SMG9: variants seen among roughly 807,000 people sequenced by gnomAD.
SMG9 encodes nonsense-mediated mRNA decay factor SMG9.
A neutral mutation model predicts 64.0 loss-of-function variants in SMG9; 55 were observed. That is an observed-to-expected ratio of 0.86 (90% CI 0.69 to 1.08). SMG9 has a LOEUF of 1.08. Among genes scored for constraint, SMG9 ranks in the 50% least tolerant of loss-of-function variants. The pLI is 0.00. For missense variants in SMG9, 554 were observed against 681.3 expected (o/e 0.81, Z 2.08); for synonymous variants, 244 against 254.8 (o/e 0.96, Z 0.41).
Position 43,731,630 on chromosome 19 carries a change from G to A in SMG9, c.1529C>T (p.Ser510Phe). 1 of 1,614,248 alleles carries A rather than the reference G, an allele frequency of 6.2e-7. No individual in the cohort carries two copies. Reference protein sequence around the residue: ...ARIWDGVRKSSALAEYSRLLA With the variant: ...ARIWDGVRKSFALAEYSRLLA The stretch of plus-strand genomic sequence containing the variant: ...CAGGCGGCTGTACTCTGCCAGAGCA[G>A]AGGACTTTCTCACCCCATCCCAGAT... The change falls in exon 14 of 14, where the codon TCT (serine) becomes TTT (phenylalanine). Residue 510 changes from serine to phenylalanine, a missense_variant. Physicochemically the swap from Ser to Phe is radical, Grantham distance 155 (BLOSUM62 -2). Transcript: ENST00000270066.
rs1389972520 is a variant in SMG9 at position 43,754,900 on chromosome 19, G to C, written c.-253C>G. 6.6e-6 allele frequency: 1 copy of C among 152,328 alleles called. No homozygotes were observed. The highest frequency in any genetic ancestry group is 1.5e-5 in the Non-Finnish European group (1 of 68,086). 9.4% of individuals were successfully genotyped at this position (152,328 alleles called of 1,614,324 possible). ...AGGATGTAACGCGGGCCCGAGCTGA[G>C]ATCAGTTCCCTCAGGCGACTCGTCC... is the stretch of plus-strand genomic sequence containing the variant. On this transcript the variant is annotated 5_prime_UTR_variant, in exon 1 of 14. In the 5' UTR this introduces an upstream ATG that the reference lacks. Transcript: ENST00000270066.
In SMG9 at chr19:43,744,411, C is replaced by T. The variant is rs755065409; in HGVS notation, c.701+361G>A. 2.6e-5 allele frequency among the ~76,000 whole-genome samples: 4 copies of T among 152,120 alleles called. No homozygotes were observed. The East Asian group carries it at 5.8e-4, about 22-fold the overall frequency. The stretch of plus-strand genomic sequence containing the variant: ...CAAAAATCTACCTGGACAGGGGATA[C>T]GGGAAATGAAGTGACCTGCCCAAGG... On this transcript the variant is annotated intron_variant, in intron 6 of 13. Transcript: ENST00000270066.
At position 43,733,458 on chromosome 19, in the gene SMG9, G is replaced by A. The variant is rs1387865744; in HGVS notation, c.1211-6C>T. The A allele has an allele frequency of 6.2e-6, 10 of 1,613,744 alleles. No individual in the cohort carries two copies. Among genetic ancestry groups the A allele is most frequent in the South Asian group, 1.1e-5 (1 of 91,088 alleles). ...TTGTAACATGGACAGAGTTCCTGGA[G>A]GAGAAAACGCTTCAGCCTTCAGGTA... is the stretch of plus-strand genomic sequence containing the variant. On this transcript the variant is annotated splice_region_variant and splice_polypyrimidine_tract_variant and intron_variant, in intron 11 of 13. Transcript: ENST00000270066.
In SMG9 at chr19:43,747,549, G is replaced by A. The variant is rs766081072; in HGVS notation, c.491-10C>T. On this transcript the variant is annotated splice_polypyrimidine_tract_variant and intron_variant, in intron 4 of 13. Coordinates refer to ENST00000270066, the MANE Select transcript of SMG9 (RefSeq NM_019108.4). ...GCCTGACCCACGACAGCTGGAGATT[G>A]GAGAAAGCAGGAGACAGAGGATGCA... 6.2e-6 allele frequency: 10 copies of A among 1,614,070 alleles called. No individual in the cohort carries two copies. In the South Asian group the frequency reaches 1.1e-4, roughly 18 times the overall value.
intron 1 of SMG9, 147 bp from the exon 2 acceptor site, chr19:43,750,894 GGC>G: frequency 3.2e-6 from 2 of 624,944 alleles, no homozygotes; most frequent in Non-Finnish European, 2.5e-6. Context: ...GCCTGATCTT[GGC>G]TCACTGCAAC....
intron 9 of SMG9, 131 bp downstream of exon 9, chr19:43,737,466 G>C: frequency 1.4e-6 from 1 of 714,000 alleles, no homozygotes; most frequent in Non-Finnish European, 2.3e-6. Flanking sequence ...TTAGATGGGA[G>C]TGATTTGCTC....
rs1968529261 is a variant in SMG9 at position 43,732,872 on chromosome 19, G to A, written c.1470C>T (p.Leu490=). The A allele has an allele frequency of 2.5e-6, 4 of 1,613,964 alleles. No homozygotes were observed. The highest frequency in any genetic ancestry group is 2.2e-5 in the East Asian group (1 of 44,866). The stretch of plus-strand genomic sequence containing the variant: ...AGAGCTCTTACCAGTTCTTCTCGGT[G>A]AGGATCGTGTGTGACAGCTGTGGCC... ...MARPQLSHTI[L]TEKNWFHYAA... The change falls in exon 13 of 14, where the codon CTC becomes CTT. Residue 490 remains leucine, a synonymous_variant. Coordinates refer to ENST00000270066, the MANE Select transcript of SMG9 (RefSeq NM_019108.4).
rs545734484 is a variant in SMG9 at position 43,730,668 on chromosome 19, G to A, written c.*928C>T. On this transcript the variant is annotated 3_prime_UTR_variant, in exon 14 of 14. Coordinates refer to ENST00000270066, the MANE Select transcript of SMG9 (RefSeq NM_019108.4). ...AACCTCTGCCTCCCGGGTTCAAGCA[G>A]TTCTCCCACCTCAGCCTCCCAAGTA... 6.6e-6 allele frequency: 1 copy of A among 151,996 alleles called. No individual in the cohort carries two copies. The highest frequency in any genetic ancestry group is 2.4e-5 in the African/African-American group (1 of 41,418). The allele number at this position is 151,996 out of a possible 1,614,324, so 9.4% of individuals were successfully genotyped here.
intron 1 of SMG9, among the ~76,000 whole-genome samples, chr19:43,752,557 TAC>T (rs1969221800): frequency 6.6e-6 from 1 of 152,162 alleles, no homozygotes; most frequent in South Asian, 2.1e-4. Context: ...AGACAGACAA[TAC>T]AGTCTGCAGG....
chr19:43,738,269 C>G, intron 7 of SMG9, 52 bp from the exon 8 acceptor site: 1 of 1,505,314 alleles, frequency 6.6e-7, no homozygotes, highest in East Asian at 2.3e-5. Flanking sequence ...GTTTCACACG[C>G]TCAAGGCAAA....
intron 9 of SMG9, 31 bp downstream of exon 9, chr19:43,737,566 C>A: frequency 6.3e-7 from 1 of 1,594,330 alleles, no homozygotes; most frequent in South Asian, 1.1e-5. Flanking sequence ...CTCATTCCTC[C>A]TCCCCACCCT....
At position 43,740,104 on chromosome 19, in the gene SMG9, C is replaced by T; in HGVS notation, c.813+3G>A. The T allele has an allele frequency of 6.2e-7, 1 of 1,602,990 alleles. No individual in the cohort carries two copies. The highest frequency in any genetic ancestry group is 8.5e-7 in the Non-Finnish European group (1 of 1,169,904). On this transcript the variant is annotated splice_donor_region_variant and intron_variant, in intron 7 of 13. Coordinates refer to ENST00000270066, the MANE Select transcript of SMG9 (RefSeq NM_019108.4). The stretch of plus-strand genomic sequence containing the variant: ...GTGGGGCAAAGGCAGGCGGGGCTGG[C>T]ACCTGTGTGTCCAGGAAAACAATCC...
intron 5 of SMG9, among the ~76,000 whole-genome samples, chr19:43,745,325 C>G (rs573560883): frequency 2.0e-5 from 3 of 152,032 alleles, no homozygotes; most frequent in Non-Finnish European, 4.4e-5. Flanking sequence ...GGTGTGCAAA[C>G]AGGAGCCACC....
intron 6 of SMG9, among the ~76,000 whole-genome samples, chr19:43,744,425 ACCTG>A (rs1159735762): frequency 6.6e-6 from 1 of 152,198 alleles, no homozygotes; most frequent in African/African-American, 2.4e-5. Context: ...AAATGAAGTG[ACCTG>A]CCCAAGGTCA....
chr19:43,735,765 A>G (rs1181210714), intron 9 of SMG9, among the ~76,000 whole-genome samples: 1 of 152,166 alleles, frequency 6.6e-6, no homozygotes, highest in African/African-American at 2.4e-5. Context: ...ATACAGGGAC[A>G]TTCTCCTCAT....
chr19:43,733,117 C>T (rs1388394760), intron 12 of SMG9, 115 bp from the exon 13 acceptor site: 2 of 1,368,438 alleles, frequency 1.5e-6, no homozygotes, highest in Non-Finnish European at 2.0e-6. Flanking sequence ...CTGAGCTCTT[C>T]CTGTACTTCT....
rs1600186799 is a variant in SMG9, at chr19:43,731,115, C to T, written c.*481G>A. Reference sequence around the variant, plus strand: ...CAATTTGTCCTGCTTCCCAGAGCTGCATGGTGGGTAGAGGAGTAAGTGGAA... The same window carrying T: ...CAATTTGTCCTGCTTCCCAGAGCTGTATGGTGGGTAGAGGAGTAAGTGGAA... On this transcript the variant is annotated 3_prime_UTR_variant, in exon 14 of 14. Coordinates refer to ENST00000270066, the MANE Select transcript of SMG9 (RefSeq NM_019108.4). 1 of 986,870 alleles carries T rather than the reference C, an allele frequency of 1.0e-6. No individual in the cohort carries two copies. Among genetic ancestry groups the T allele is most frequent in the Non-Finnish European group, 1.2e-6 (1 of 830,978 alleles). 61.1% of individuals were successfully genotyped at this position (986,870 alleles called of 1,614,324 possible).
intron 10 of SMG9, 145 bp from the exon 11 acceptor site, chr19:43,733,878 G>C: frequency 3.1e-6 from 2 of 649,836 alleles, no homozygotes; most frequent in African/African-American, 1.8e-5. Flanking sequence ...TTTAGCACCA[G>C]GCTCTGTGTA....
At chr19:43,753,893 C>T (rs988974132) in intron 1 of SMG9, among the ~76,000 whole-genome samples, 3 of 148,294 alleles carry the variant, frequency 2.0e-5, no homozygotes, top group African/African-American at 7.6e-5. Flanking sequence ...CCAGCCTGGG[C>T]GACAGAGCGA....
Sources: gnomAD v4.1 joint callset for allele counts (sites outside exome capture counted in the v4.1 genomes callset) on GRCh38, gnomAD v4.1.1 for gene constraint, MANE v1.5 for transcripts, NCBI Gene and HGNC (gene_info 2026-07-23, HGNC 2026-07-21) for gene names.